The following PRKCE variants were observed in gnomAD, a reference collection of about 807,000 sequenced individuals.
PRKCE encodes protein kinase C epsilon type.
PRKCE carries 16 observed loss-of-function variants against 85.4 expected under a neutral mutation model. The ratio of observed to expected loss-of-function variants is 0.19; its 90% CI spans 0.13 to 0.28. The LOEUF (loss-of-function observed/expected upper bound fraction) is 0.28. Among genes scored for constraint, PRKCE ranks in the 10% least tolerant of loss-of-function variants. The probability of loss-of-function intolerance (pLI) is 1.00; values close to 1 mark genes in which losing one functional copy is unlikely to be tolerated. For missense variants in PRKCE, 573 were observed against 975.2 expected, an observed-to-expected ratio of 0.59 and a Z score of 5.49; for synonymous variants, 388 against 371.5, an observed-to-expected ratio of 1.04 and a Z score of -0.51.
At position 45,895,843 on chromosome 2, in the gene PRKCE, TG is replaced by T. The variant is rs1262286718; in HGVS notation, c.412+52784del. Among the ~76,000 whole-genome samples the T allele has an allele frequency of 6.6e-6, 1 of 152,034 alleles. No individual in the cohort carries two copies. Among genetic ancestry groups the T allele is most frequent in the Non-Finnish European group, 1.5e-5 (1 of 67,984 alleles). Reference sequence around the variant, plus strand: ...GGAAGTGCTGTAGGGCCGCAGGGGTTGGGGCTGTGATAGAGAAGGGTGGAGG... The same window carrying T: ...GGAAGTGCTGTAGGGCCGCAGGGGTTGGGCTGTGATAGAGAAGGGTGGAGG... On this transcript the variant is annotated intron_variant, in intron 2 of 14. Coordinates refer to ENST00000306156, the MANE Select transcript of PRKCE (RefSeq NM_005400.3). The surrounding 1 kb of genome is among the most constrained non-coding windows in gnomAD (Gnocchi z 4.8).
At chr2:46,161,719 C>T (rs928721404) in intron 14 of PRKCE, among the ~76,000 whole-genome samples, 1 of 152,006 alleles carries the variant, frequency 6.6e-6, no homozygotes, top group Admixed American at 6.6e-5. Context: ...TAGGGAAGAA[C>T]CTTAATCATA....
At chr2:45,654,252 C>T (rs1258429435) in intron 1 of PRKCE, among the ~76,000 whole-genome samples, 1 of 152,330 alleles carries the variant, frequency 6.6e-6, no homozygotes, top group South Asian at 2.1e-4. Flanking sequence ...TCTGGTGATG[C>T]TTCACTGGGG....
intron 2 of PRKCE, among the ~76,000 whole-genome samples, chr2:45,855,918 T>C (rs977358716): frequency 6.6e-6 from 1 of 152,056 alleles, no homozygotes; most frequent in African/African-American, 2.4e-5. Context: ...ACCTTCTGTC[T>C]TTGCTTGAGA....
intron 10 of PRKCE, among the ~76,000 whole-genome samples, chr2:46,069,234 C>T (rs1048177049): frequency 6.6e-6 from 1 of 152,178 alleles, no homozygotes; most frequent in African/African-American, 2.4e-5. Context: ...TTCTCACTTA[C>T]CTGTTGCTCA....
intron 2 of PRKCE, among the ~76,000 whole-genome samples, chr2:45,844,913 A>G (rs980721882): frequency 6.6e-6 from 1 of 151,526 alleles, no homozygotes; most frequent in Non-Finnish European, 1.5e-5. Context: ...GAATAGCCAA[A>G]GCAATTTTCA....
At chr2:46,147,081 C>T (rs1362512480) in intron 12 of PRKCE, among the ~76,000 whole-genome samples, 1 of 152,166 alleles carries the variant, frequency 6.6e-6, no homozygotes, top group Admixed American at 6.5e-5. Flanking sequence ...GCCTGAGGAA[C>T]ATCTCGAAGT....
intron 10 of PRKCE, among the ~76,000 whole-genome samples, chr2:46,083,359 C>G (rs1466404068): frequency 6.6e-6 from 1 of 152,236 alleles, no homozygotes; most frequent in Admixed American, 6.5e-5. Context: ...GCCTCTTTCT[C>G]ATCCCACAGC....
intron 1 of PRKCE, among the ~76,000 whole-genome samples, chr2:45,837,676 A>G (rs917920780): frequency 3.9e-5 from 6 of 152,130 alleles, no homozygotes; most frequent in Admixed American, 1.3e-4. Context: ...ACTGCATGAT[A>G]TAATGGCCAC....
chr2:46,156,902 T>C (rs1242705052), intron 13 of PRKCE, among the ~76,000 whole-genome samples: 1 of 152,236 alleles, frequency 6.6e-6, no homozygotes, highest in Non-Finnish European at 1.5e-5. Flanking sequence ...TTTGAGGCTT[T>C]TATATATCCT....
intron 2 of PRKCE, among the ~76,000 whole-genome samples, chr2:45,932,767 T>C (rs1443488817): frequency 6.6e-6 from 1 of 152,222 alleles, no homozygotes; most frequent in Non-Finnish European, 1.5e-5. Context: ...TGAAATTCCG[T>C]ACCCACGAAA....
chr2:45,995,751 A>T (rs1704161513), intron 6 of PRKCE, among the ~76,000 whole-genome samples: 2 of 152,136 alleles, frequency 1.3e-5, no homozygotes, highest in South Asian at 4.1e-4. Flanking sequence ...TGATTACTTC[A>T]GCTTTATAGT....
intron 1 of PRKCE, among the ~76,000 whole-genome samples, chr2:45,808,236 G>T (rs989078751): frequency 6.6e-6 from 1 of 152,020 alleles, no homozygotes; most frequent in Admixed American, 6.5e-5. Context: ...CATTCAACGT[G>T]TGTTTTACCA....
At chr2:45,911,510 C>T (rs1019501116) in intron 2 of PRKCE, among the ~76,000 whole-genome samples, 16 of 152,226 alleles carry the variant, frequency 1.1e-4, no homozygotes, top group Non-Finnish European at 1.8e-4. Context: ...TGGTCCCTTT[C>T]CCCTGAACCC....
At position 45,907,103 on chromosome 2, in the gene PRKCE, A is replaced by G. The variant is rs1573829400; in HGVS notation, c.412+64040A>G. 6.6e-6 allele frequency among the ~76,000 whole-genome samples: 1 copy of G among 152,216 alleles called. No homozygotes were observed. The highest frequency in any genetic ancestry group is 1.9e-4 in the East Asian group (1 of 5,194). ...GACGGAAGGAAGGCGGTCAGAGGGT[A>G]CACGCTCCATGTTAAATTTCTGAGG... On this transcript the variant is annotated intron_variant, in intron 2 of 14. Coordinates refer to ENST00000306156, the MANE Select transcript of PRKCE (RefSeq NM_005400.3). The surrounding 1 kb of genome is among the most constrained non-coding windows in gnomAD (Gnocchi z 4.5).
At chr2:46,072,998 AAT>A (rs1412945636) in intron 10 of PRKCE, among the ~76,000 whole-genome samples, 1 of 152,208 alleles carries the variant, frequency 6.6e-6, no homozygotes, top group African/African-American at 2.4e-5. Context: ...GGAATTCAAA[AAT>A]AAATGCACAT....
rs151300677 is a variant in PRKCE, at chr2:45,947,112, C to T, written c.413-29317C>T. 1.9e-3 allele frequency among the ~76,000 whole-genome samples: 296 copies of T among 152,336 alleles called. 2 individuals are homozygous for T. The highest frequency in any genetic ancestry group is 6.6e-3 in the African/African-American group (276 of 41,572). The stretch of plus-strand genomic sequence containing the variant: ...CAGTACCACCTAAAGTGTGGTATAT[C>T]TGTGCAATCGAATGTTATTCAGAAA... On this transcript the variant is annotated intron_variant, in intron 2 of 14. Transcript: ENST00000306156.
At chr2:46,099,374 C>G (rs554629468) in intron 11 of PRKCE, among the ~76,000 whole-genome samples, 3 of 152,260 alleles carry the variant, frequency 2.0e-5, no homozygotes, top group East Asian at 3.9e-4. Context: ...AGGCCTTTGA[C>G]ACACCCATAC....
intron 2 of PRKCE, among the ~76,000 whole-genome samples, chr2:45,965,844 C>G (rs1701695882): frequency 6.6e-6 from 1 of 151,656 alleles, no homozygotes; most frequent in South Asian, 2.1e-4. Flanking sequence ...TCTTAGTTTT[C>G]TTTTTCTGCT....
chr2:46,132,555 C>T (rs1674566624), intron 11 of PRKCE, among the ~76,000 whole-genome samples: 1 of 152,162 alleles, frequency 6.6e-6, no homozygotes, highest in South Asian at 2.1e-4. Context: ...ATTATGTCCT[C>T]CCTGATGAAG....
Sources: allele counts gnomAD v4.1 joint callset (sites outside exome capture counted in the v4.1 genomes callset), GRCh38; gene constraint gnomAD v4.1.1; non-coding constraint Gnocchi (gnomAD v3.1); transcripts MANE v1.5; gene names NCBI Gene and HGNC (gene_info 2026-07-23, HGNC 2026-07-21).